HS6ST3: variants seen among roughly 807,000 people sequenced by gnomAD.
HS6ST3 encodes the protein heparan sulfate 6-O-sulfotransferase 3.
HS6ST3 carries 12 observed loss-of-function variants against 36.7 expected under a neutral mutation model. The ratio of observed to expected loss-of-function variants is 0.33; its 90% CI spans 0.21 to 0.53. The LOEUF (loss-of-function observed/expected upper bound fraction) is 0.53. Ranked by LOEUF, HS6ST3 falls within the 20% of genes least tolerant of loss-of-function variation. The probability of loss-of-function intolerance (pLI) is 0.95; values close to 1 mark genes in which losing one functional copy is unlikely to be tolerated. For synonymous variants in HS6ST3, 240 were observed against 257.5 expected (o/e 0.93, Z 0.65); for missense variants, 584 against 640.9 (o/e 0.91, Z 0.96).
intron 1 of HS6ST3, among the ~76,000 whole-genome samples, chr13:96,209,192 C>T (rs1309476040): frequency 6.6e-6 from 1 of 152,158 alleles, no homozygotes; most frequent in Non-Finnish European, 1.5e-5. Flanking sequence ...ATTCCTTGAT[C>T]TTACAAGGGA....
rs182489863 is a variant in HS6ST3, at chr13:96,108,010, G to A, written c.707+16441G>A. On this transcript the variant is annotated intron_variant, in intron 1 of 1. Coordinates refer to ENST00000376705, the MANE Select transcript of HS6ST3 (RefSeq NM_153456.4). ...ACCTTGAAAAAAGAACAGGATAACA[G>A]CAATGTTCAGGGAACAAGGGAGGTA... Among the ~76,000 whole-genome samples, 113 of 152,298 alleles carry A rather than the reference G, an allele frequency of 7.4e-4. 1 individual carries two copies. Among genetic ancestry groups the A allele is most frequent in the African/African-American group, 2.6e-3 (107 of 41,582 alleles).
intron 1 of HS6ST3, among the ~76,000 whole-genome samples, chr13:96,557,660 C>T (rs772549008): frequency 1.1e-4 from 16 of 152,184 alleles, no homozygotes; most frequent in Non-Finnish European, 1.9e-4. Flanking sequence ...TGAACTGCTG[C>T]ATGGGGCTAG....
rs115552660 is a variant in HS6ST3, at chr13:96,735,278, T to G, written c.708-97212T>G. Among the ~76,000 whole-genome samples, 813 of 152,250 alleles carry G rather than the reference T, an allele frequency of 5.3e-3. 4 individuals carry two copies. Among genetic ancestry groups the G allele is most frequent in the African/African-American group, 0.018 (766 of 41,544 alleles). On this transcript the variant is annotated intron_variant, in intron 1 of 1. Transcript: ENST00000376705. The stretch of plus-strand genomic sequence containing the variant: ...CAAGGGCAAAATTATTTTTATTTTA[T>G]AAACCTAAGAAGAGTTTATGTGTTT...
At chr13:96,303,567 G>A (rs1459835831) in intron 1 of HS6ST3, among the ~76,000 whole-genome samples, 3 of 152,056 alleles carry the variant, frequency 2.0e-5, no homozygotes, top group Admixed American at 6.6e-5. Flanking sequence ...CTGTCTTTAA[G>A]GAACTCAAAG....
intron 1 of HS6ST3, among the ~76,000 whole-genome samples, chr13:96,409,444 A>G (rs2055496312): frequency 6.6e-6 from 1 of 152,222 alleles, no homozygotes; most frequent in South Asian, 2.1e-4. Flanking sequence ...TACACATGGT[A>G]GGTGCTGAAA....
At chr13:96,462,611 G>T (rs1437342212) in intron 1 of HS6ST3, among the ~76,000 whole-genome samples, 1 of 152,132 alleles carries the variant, frequency 6.6e-6, no homozygotes, top group African/African-American at 2.4e-5. Flanking sequence ...TTATACAGGA[G>T]ATTTCAGCCA....
intron 1 of HS6ST3, among the ~76,000 whole-genome samples, chr13:96,672,586 TC>T (rs1720791422): frequency 6.6e-6 from 1 of 152,040 alleles, no homozygotes; most frequent in South Asian, 2.1e-4. Context: ...CTATGTTGGA[TC>T]CCCCACCTCC....
chr13:96,417,602 G>GTGTGTA (rs2055540287), intron 1 of HS6ST3, among the ~76,000 whole-genome samples: 1 of 150,766 alleles, frequency 6.6e-6, no homozygotes, highest in Non-Finnish European at 1.5e-5. Context: ...GTGTGTGTGT[G>GTGTGTA]TGTGTGTGTG....
At chr13:96,152,072 A>G (rs879882777) in intron 1 of HS6ST3, among the ~76,000 whole-genome samples, 6 of 152,168 alleles carry the variant, frequency 3.9e-5, no homozygotes, top group Non-Finnish European at 8.8e-5. Flanking sequence ...AGCAATCCCC[A>G]TATTCCAAAT....
At chr13:96,265,465 A>G (rs1265930108) in intron 1 of HS6ST3, among the ~76,000 whole-genome samples, 1 of 152,122 alleles carries the variant, frequency 6.6e-6, no homozygotes, top group Non-Finnish European at 1.5e-5. Flanking sequence ...TAGGCATGAG[A>G]CACCGTGTTT....
chr13:96,362,508 T>C (rs1053267840), intron 1 of HS6ST3, among the ~76,000 whole-genome samples: 3 of 152,194 alleles, frequency 2.0e-5, no homozygotes, highest in Admixed American at 6.5e-5. Context: ...GAAGCTCTCC[T>C]TTACTCAGTG....
chr13:96,536,001 T>C (rs1258443085), intron 1 of HS6ST3, among the ~76,000 whole-genome samples: 1 of 152,304 alleles, frequency 6.6e-6, no homozygotes, highest in Admixed American at 6.5e-5. Context: ...TATACCTCCT[T>C]CTTTTTAACC....
chr13:96,742,566 G>C (rs915487353), intron 1 of HS6ST3, among the ~76,000 whole-genome samples: 1 of 152,012 alleles, frequency 6.6e-6, no homozygotes, highest in African/African-American at 2.4e-5. Context: ...ACCTGTTGCT[G>C]TAAAATTTCC....
At chr13:96,765,116 G>A (rs1473386769) in intron 1 of HS6ST3, among the ~76,000 whole-genome samples, 1 of 141,398 alleles carries the variant, frequency 7.1e-6, no homozygotes, top group Non-Finnish European at 1.5e-5. Context: ...GCCCACGCCG[G>A]ACTGCGGACT....
At chr13:96,270,864 A>C (rs996184693) in intron 1 of HS6ST3, among the ~76,000 whole-genome samples, 1 of 151,694 alleles carries the variant, frequency 6.6e-6, no homozygotes, top group Admixed American at 6.6e-5. Flanking sequence ...TTCCCTCCTC[A>C]CAGAGTTCAT....
intron 1 of HS6ST3, among the ~76,000 whole-genome samples, chr13:96,464,155 A>AAAAAAAAAAAAAAAAAAAAAAAAAAC (rs2055800332): frequency 1.3e-5 from 2 of 148,918 alleles, no homozygotes; most frequent in Admixed American, 6.7e-5. Context: ...AAAAAAAAAA[A>AAAAAAAAAAAAAAAAAAAAAAAAAAC]AAAAAATCAA....
In HS6ST3 at chr13:96,456,899, T is replaced by C. The variant is rs186712053; in HGVS notation, c.707+365330T>C. The stretch of plus-strand genomic sequence containing the variant: ...GTCCAGAGTTCTTCTTTGGAAAATA[T>C]AGTCATTATGCATATTTAAAATGCA... On this transcript the variant is annotated intron_variant, in intron 1 of 1. Transcript: ENST00000376705. Among the ~76,000 whole-genome samples, 1,009 of 152,272 alleles carry C rather than the reference T, an allele frequency of 6.6e-3. 14 individuals are homozygous for C. The highest frequency in any genetic ancestry group is 5.2e-3 in the Non-Finnish European group (353 of 67,980).
chr13:96,373,146 A>G (rs987939798), intron 1 of HS6ST3, among the ~76,000 whole-genome samples: 2 of 152,094 alleles, frequency 1.3e-5, no homozygotes, highest in African/African-American at 4.8e-5. Context: ...TACATCTCTT[A>G]TAAGGACACT....
At chr13:96,395,149 CT>C (rs1164386105) in intron 1 of HS6ST3, among the ~76,000 whole-genome samples, 2 of 152,006 alleles carry the variant, frequency 1.3e-5, no homozygotes, top group Non-Finnish European at 2.9e-5. Context: ...GACTCTATTC[CT>C]TTTTCCAGCA....
Sources: allele counts gnomAD v4.1 joint callset (sites outside exome capture counted in the v4.1 genomes callset), GRCh38; gene constraint gnomAD v4.1.1; transcripts MANE v1.5; gene names NCBI Gene and HGNC (gene_info 2026-07-23, HGNC 2026-07-21).